PSRC1: variants seen among roughly 807,000 people sequenced by gnomAD.
PSRC1 encodes proline/serine-rich coiled-coil protein 1.
In PSRC1, 30 loss-of-function variants were observed where a neutral mutation model predicts 31.9. The observed-to-expected ratio is 0.94, with a 90% confidence interval of 0.70 to 1.28. The LOEUF is 1.28. Among genes scored for constraint, PSRC1 ranks in the 50% most tolerant of loss-of-function variants. PSRC1 has a pLI of 0.00. For synonymous variants in PSRC1, 191 were observed against 192.1 expected, an observed-to-expected ratio of 0.99 and a Z score of 0.05; for missense variants, 481 against 472.8, an observed-to-expected ratio of 1.02 and a Z score of -0.16.
chr1:109,282,749 C>A lies in PSRC1; in HGVS notation c.-33-18G>T. 2.6e-6 allele frequency: 4 copies of A among 1,549,430 alleles called. No homozygotes were observed. The highest frequency in any genetic ancestry group is 8.7e-7 in the Non-Finnish European group (1 of 1,146,576). On this transcript the variant is annotated intron_variant, in intron 1 of 6. Transcript: ENST00000409138. ...AGTTAGATCTGAGCTGGAGAGAAAC[C>A]ATACCTTTCCTCAGGTATCCATTCT...
chr1:109,279,850 G>C (rs955964626), exon 7 of PSRC1: 17 of 468,776 alleles, frequency 3.6e-5, no homozygotes, highest in Non-Finnish European at 5.8e-5. Context: ...ACAACAGTGG[G>C]GGTGGATAAA....
At chr1:109,281,461 G>GT in intron 4 of PSRC1, 158 bp downstream of exon 4, 1 of 773,952 alleles carries the variant, frequency 1.3e-6, no homozygotes, top group Non-Finnish European at 2.1e-6. Flanking sequence ...AGACACTGTG[G>GT]TAAGAGTTTT....
At chr1:109,281,830 A>G (rs1570818484) in exon 4 of PSRC1, 2 of 1,613,758 alleles carry the variant, frequency 1.2e-6, no homozygotes, top group Non-Finnish European at 1.7e-6. Flanking sequence ...GCGAGGCCCC[A>G]GGCCCTCGCC....
At chr1:109,280,298 T>C in intron 6 of PSRC1, 98 bp downstream of exon 7, 1 of 1,420,112 alleles carries the variant, frequency 7.0e-7, no homozygotes. Flanking sequence ...TCTCTCCATC[T>C]TTCCATACAA....
In PSRC1 at chr1:109,282,414, C is replaced by T. The variant is rs76911581; in HGVS notation, c.77+104G>A. 351 of 1,137,458 alleles carry T rather than the reference C, an allele frequency of 3.1e-4. 1 individual carries two copies. In the African/African-American group the frequency reaches 4.6e-3, roughly 15 times the overall value. 70.5% of individuals were successfully genotyped at this position (1,137,458 alleles called of 1,614,324 possible). ...AGCCGCCCAGCAGCCCCAAGTGCGC[C>T]AAACCTTGCTAAGTTACCAACCCAA... On this transcript the variant is annotated intron_variant, in intron 3 of 6. Coordinates refer to ENST00000409138, the Ensembl canonical transcript of PSRC1.
chr1:109,280,537 A>T, intron 5 of PSRC1, 48 bp from the exon 7 acceptor site: 1 of 1,475,768 alleles, frequency 6.8e-7, no homozygotes, highest in Middle Eastern at 1.7e-4. Context: ...AGTTTAACTG[A>T]CCTCGAAAAG....
At chr1:109,281,683 T>C in exon 4 of PSRC1, 1 of 1,613,946 alleles carries the variant, frequency 6.2e-7, no homozygotes, top group Middle Eastern at 1.6e-4. Flanking sequence ...CCCCTTCCTA[T>C]CATTACTCCG....
intron 5 of PSRC1, 61 bp downstream of exon 6, chr1:109,280,716 A>C: frequency 7.2e-7 from 1 of 1,379,312 alleles, no homozygotes; most frequent in Non-Finnish European, 9.9e-7. Flanking sequence ...CACTGTTGAC[A>C]GCTCTGGGAG....
chr1:109,281,742 G>A, exon 4 of PSRC1: 2 of 1,614,072 alleles, frequency 1.2e-6, no homozygotes, highest in Non-Finnish European at 1.7e-6. Context: ...GCGTCAAAGA[G>A]TTCACAGTGG....
chr1:109,280,733 G>A (rs1185821231), intron 5 of PSRC1, 44 bp downstream of exon 6: 2 of 1,473,292 alleles, frequency 1.4e-6, no homozygotes, highest in East Asian at 2.3e-5. Context: ...GGAGGGTGAG[G>A]ACACGCTGGG....
chr1:109,280,399 G>A, exon 6 of PSRC1: 1 of 1,606,914 alleles, frequency 6.2e-7, no homozygotes, highest in Non-Finnish European at 8.5e-7. Context: ...GACTGACCTG[G>A]TAGGTCCTGG....
In PSRC1 at chr1:109,280,419, T is replaced by A. The variant is rs200939562; in HGVS notation, c.1065A>T (p.Lys355Asn). ...ACCTGGTAGGTCCTGGGACTGCCACTTTCCTGGGGGGCTGCAGATTGCTGC... is the reference window on the plus strand; with the variant it reads ...ACCTGGTAGGTCCTGGGACTGCCACATTCCTGGGGGGCTGCAGATTGCTGC... The change falls in exon 6 of 7, where the codon AAA becomes AAT. Residue 355 changes from lysine to asparagine, a missense_variant. Lys to Asn is a moderately conservative substitution (Grantham distance 94). Transcript: ENST00000409138. 65 of 1,612,606 alleles carry A rather than the reference T, an allele frequency of 4.0e-5. No homozygotes were observed. The East Asian group carries it at 1.3e-3, about 33-fold the overall frequency.
intron 4 of PSRC1, 179 bp downstream of exon 4, chr1:109,281,440 G>GACATATACT: frequency 1.3e-6 from 1 of 740,904 alleles, no homozygotes; most frequent in Non-Finnish European, 2.2e-6. Context: ...GTTTATCATA[G>GACATATACT]ACATATACTC....
chr1:109,282,798 A>C, intron 1 of PSRC1, 62 bp from the exon 2 acceptor site: 1 of 1,511,196 alleles, frequency 6.6e-7, no homozygotes, highest in East Asian at 2.5e-5. Flanking sequence ...AGCTAGATTC[A>C]GGGTGCAAGC....
chr1:109,279,913 G>T (rs1200026926), exon 7 of PSRC1: 1 of 603,366 alleles, frequency 1.7e-6, no homozygotes, highest in Non-Finnish European at 3.0e-6. Flanking sequence ...TTCACTGCTG[G>T]AAGGTGACCT....
chr1:109,281,805 A>C (rs368111975), exon 4 of PSRC1: 1 of 1,613,886 alleles, frequency 6.2e-7, no homozygotes, highest in African/African-American at 1.3e-5. Flanking sequence ...CCCGCCGAGG[A>C]CTGGGCTTCA....
rs1001954216 is a variant in PSRC1 at position 109,282,749 on chromosome 1, C to T, written c.-33-18G>A. The T allele has an allele frequency of 1.3e-6, 2 of 1,549,430 alleles. No homozygotes were observed. The highest frequency in any genetic ancestry group is 4.9e-5 in the East Asian group (2 of 40,928). On this transcript the variant is annotated intron_variant, in intron 1 of 6. Coordinates refer to ENST00000409138, the Ensembl canonical transcript of PSRC1. Reference sequence around the variant, plus strand: ...AGTTAGATCTGAGCTGGAGAGAAACCATACCTTTCCTCAGGTATCCATTCT... The same window carrying T: ...AGTTAGATCTGAGCTGGAGAGAAACTATACCTTTCCTCAGGTATCCATTCT...
chr1:109,280,129 G>A, exon 7 of PSRC1: 5 of 1,614,132 alleles, frequency 3.1e-6, no homozygotes, highest in South Asian at 1.1e-5. Context: ...TGCTACTGAA[G>A]TCTTGCTTGC....
At chr1:109,281,199 G>A (rs1251946313) in exon 5 of PSRC1, 2 of 1,613,208 alleles carry the variant, frequency 1.2e-6, no homozygotes, top group Non-Finnish European at 1.7e-6. Context: ...TCGGGTAAGA[G>A]GAGAAGATGC....
Sources: gnomAD v4.1 joint callset for allele counts on GRCh38, gnomAD v4.1.1 for gene constraint, MANE v1.5 for transcripts, NCBI Gene and HGNC (gene_info 2026-07-23, HGNC 2026-07-21) for gene names.